Variants in ZPLD1 observed in about 807,000 individuals in gnomAD.
ZPLD1 encodes the protein zona pellucida like domain containing 1, also known as zona pellucida-like domain-containing protein 1.
ZPLD1 carries 34 observed loss-of-function variants against 47.2 expected under a neutral mutation model. The observed-to-expected ratio is 0.72, with a 90% CI of 0.55 to 0.96. The LOEUF is 0.96. Ranked by LOEUF, ZPLD1 falls within the 40% of genes least tolerant of loss-of-function variation. The pLI is 0.00. For missense variants in ZPLD1, 512 were observed against 505.8 expected, an observed-to-expected ratio of 1.01 and a Z score of -0.12; for synonymous variants, 176 against 186.2, an observed-to-expected ratio of 0.95 and a Z score of 0.45.
chr3:102,406,571 C>G (rs1459537325), intron 7 of ZPLD1, among the ~76,000 whole-genome samples: 1 of 151,858 alleles, frequency 6.6e-6, no homozygotes, highest in East Asian at 1.9e-4. Context: ...AATGGTTGAT[C>G]AAATATATCG....
chr3:102,468,304 C>T (rs1707629016), intron 8 of ZPLD1, among the ~76,000 whole-genome samples: 1 of 152,016 alleles, frequency 6.6e-6, no homozygotes, highest in African/African-American at 2.4e-5. Context: ...TGTAGTTAAT[C>T]CTGTACATGT....
intron 7 of ZPLD1, among the ~76,000 whole-genome samples, chr3:102,406,667 A>G (rs1343851584): frequency 6.6e-6 from 1 of 151,960 alleles, no homozygotes; most frequent in Non-Finnish European, 1.5e-5. Flanking sequence ...TTCTTATGTT[A>G]GAACTTTAAA....
intron 7 of ZPLD1, among the ~76,000 whole-genome samples, chr3:102,404,364 G>C (rs1476511718): frequency 6.6e-6 from 1 of 151,898 alleles, no homozygotes; most frequent in African/African-American, 2.4e-5. Context: ...TTATTTTTCT[G>C]TGCCTTTTTT....
In ZPLD1 at chr3:102,456,251, A is replaced by G. The variant is rs766714127; in HGVS notation, c.386A>G (p.Asn129Ser). The G allele has an allele frequency of 1.1e-5, 17 of 1,613,636 alleles. No individual in the cohort carries two copies. The Admixed American group carries it at 1.8e-4, about 17-fold the overall frequency. ...AATGCAACTTCAGTGCAAGTAGGAA[A>G]TATTTCAGGATATATTGATACTCCA... is the stretch of plus-strand genomic sequence containing the variant. ...YGNATSVQVGNISGYIDTPDP... is the reference protein window; with the variant it reads ...YGNATSVQVGSISGYIDTPDP... Residue 129 changes from asparagine (N) to serine (S), a missense_variant, in exon 5 of 12, where the codon AAT (asparagine) becomes AGT (serine). Asn to Ser is a conservative substitution (Grantham distance 46). Transcript: ENST00000466937.
At chr3:102,444,312 G>A (rs963654257) in intron 3 of ZPLD1, among the ~76,000 whole-genome samples, 1 of 152,280 alleles carries the variant, frequency 6.6e-6, no homozygotes, top group South Asian at 2.1e-4. Flanking sequence ...TTGCTAACGA[G>A]AAACAGATGT....
intron 8 of ZPLD1, among the ~76,000 whole-genome samples, chr3:102,425,308 C>A (rs1443193894): frequency 6.6e-6 from 1 of 151,928 alleles, no homozygotes; most frequent in Non-Finnish European, 1.5e-5. Context: ...TCATACTATT[C>A]TTGATAGAAC....
chr3:102,412,829 G>A (rs968291433), intron 7 of ZPLD1, among the ~76,000 whole-genome samples: 9 of 151,734 alleles, frequency 5.9e-5, no homozygotes, highest in Admixed American at 1.3e-4. Context: ...ACACACATAT[G>A]TGTATATATA....
At chr3:102,442,481 A>G (rs996302926) in intron 3 of ZPLD1, among the ~76,000 whole-genome samples, 1 of 152,148 alleles carries the variant, frequency 6.6e-6, no homozygotes, top group Admixed American at 6.6e-5. Context: ...TTAGATGGGT[A>G]TTATTTAACC....
intron 3 of ZPLD1, among the ~76,000 whole-genome samples, chr3:102,441,749 T>C (rs1250649963): frequency 6.6e-6 from 1 of 152,076 alleles, no homozygotes; most frequent in Admixed American, 6.6e-5. Context: ...TCATTACATA[T>C]GTTTTCAATA....
Position 102,470,492 on chromosome 3 carries a change from T to TA in ZPLD1, c.1033dup (p.Thr345AsnfsTer4). On this transcript the variant is annotated frameshift_variant, in exon 10 of 12. Transcript: ENST00000466937. LOFTEE classifies it high-confidence loss of function. ...CGGTGCTCTCTGCTGGTCCCATCATTACTCGGAGTGGTAAGTGTGCTCCTC... is the reference window on the plus strand; with the variant it reads ...CGGTGCTCTCTGCTGGTCCCATCATTAACTCGGAGTGGTAAGTGTGCTCCTC... The TA allele has an allele frequency of 6.2e-7, 1 of 1,613,962 alleles. No homozygotes were observed.
At chr3:102,441,849 C>T (rs1024567377) in intron 3 of ZPLD1, among the ~76,000 whole-genome samples, 1 of 152,090 alleles carries the variant, frequency 6.6e-6, no homozygotes, top group Non-Finnish European at 1.5e-5. Flanking sequence ...GTAGGGTGAC[C>T]ATCTGTGTTA....
intron 10 of ZPLD1, among the ~76,000 whole-genome samples, chr3:102,475,332 CT>C (rs760769771): frequency 4.6e-5 from 7 of 152,002 alleles, no homozygotes; most frequent in Non-Finnish European, 5.9e-5. Context: ...GACAGTCTGA[CT>C]TTTGTTAACC....
chr3:102,438,431 G>A, intron 2 of ZPLD1, 49 bp from the exon 3 acceptor site: 1 of 1,350,058 alleles, frequency 7.4e-7, no homozygotes, highest in African/African-American at 1.4e-5. Context: ...GTAAGTAGGA[G>A]TGAAGGAGTT....
chr3:102,410,438 A>C (rs1309105600), intron 7 of ZPLD1, among the ~76,000 whole-genome samples: 2 of 151,812 alleles, frequency 1.3e-5, no homozygotes, highest in East Asian at 3.9e-4. Flanking sequence ...AAATTCTGAA[A>C]ACTAGAACAC....
At chr3:102,426,791 G>T (rs1263773170) in intron 8 of ZPLD1, among the ~76,000 whole-genome samples, 3 of 152,160 alleles carry the variant, frequency 2.0e-5, no homozygotes, top group African/African-American at 7.2e-5. Flanking sequence ...TTGTGGATGT[G>T]ATTTCATCAT....
intron 3 of ZPLD1, among the ~76,000 whole-genome samples, chr3:102,439,548 C>A (rs1707143916): frequency 6.6e-6 from 1 of 152,104 alleles, no homozygotes; most frequent in Admixed American, 6.5e-5. Context: ...TTGTTAATGG[C>A]TTTGAATATC....
At chr3:102,394,772 G>A (rs1210673591) in intron 7 of ZPLD1, among the ~76,000 whole-genome samples, 1 of 152,064 alleles carries the variant, frequency 6.6e-6, no homozygotes. Flanking sequence ...TTGATTTGGT[G>A]TCACATTTGC....
chr3:102,388,553 C>G (rs924421504), intron 6 of ZPLD1, among the ~76,000 whole-genome samples: 1 of 151,258 alleles, frequency 6.6e-6, no homozygotes, highest in Non-Finnish European at 1.5e-5. Flanking sequence ...TAATGTTCTC[C>G]TCTACTCCCT....
upstream of ZPLD1, chr3:102,434,944 CAT>C (rs760543316): frequency 2.4e-5 from 15 of 634,820 alleles, no homozygotes; most frequent in Middle Eastern, 2.8e-4. Flanking sequence ...CTAAAATACA[CAT>C]GTCTGGAATT....
Sources: gnomAD v4.1 joint callset for allele counts (sites outside exome capture counted in the v4.1 genomes callset) on GRCh38, gnomAD v4.1.1 for gene constraint, MANE v1.5 for transcripts, NCBI Gene and HGNC (gene_info 2026-07-23, HGNC 2026-07-21) for gene names.